Variants in RYR2 observed in about 807,000 individuals in gnomAD.
RYR2 encodes the protein ryanodine receptor 2, also known as cardiac muscle ryanodine receptor-calcium release channel.
A neutral mutation model predicts 601.1 loss-of-function variants in RYR2; 227 were observed. That is an observed-to-expected ratio of 0.38 (90% CI 0.34 to 0.42). The LOEUF (loss-of-function observed/expected upper bound fraction) is 0.42. Ranked by LOEUF, RYR2 falls within the 10% of genes least tolerant of loss-of-function variation. The probability of loss-of-function intolerance (pLI) is 1.00; values close to 1 mark genes in which losing one functional copy is unlikely to be tolerated. For missense variants in RYR2, 4,646 were observed against 6,156.5 expected (o/e 0.75, Z 8.21); for synonymous variants, 2,223 against 2,175.1 (o/e 1.02, Z -0.61).
intron 62 of RYR2, among the ~76,000 whole-genome samples, chr1:237,683,889 T>TA (rs1195381750): frequency 2.7e-5 from 4 of 150,864 alleles, no homozygotes; most frequent in African/African-American, 9.8e-5. Context: ...CTCAAATAGG[T>TA]GGTGCTGCCC....
At chr1:237,628,768 G>A (rs1679950017) in intron 41 of RYR2, among the ~76,000 whole-genome samples, 1 of 151,858 alleles carries the variant, frequency 6.6e-6, no homozygotes, top group South Asian at 2.1e-4. Context: ...TGATCCATAG[G>A]TCTGTGTGGT....
At chr1:237,590,112 C>T in intron 30 of RYR2, 111 bp downstream of exon 30, 1 of 986,762 alleles carries the variant, frequency 1.0e-6, no homozygotes, top group Non-Finnish European at 1.5e-6. Context: ...AAATGATGAC[C>T]TTGATGTGTT....
chr1:237,388,436 A>G (rs1702118443), intron 10 of RYR2, among the ~76,000 whole-genome samples: 1 of 152,240 alleles, frequency 6.6e-6, no homozygotes, highest in African/African-American at 2.4e-5. Flanking sequence ...GAACAAAATT[A>G]ACGAAGTGAG....
rs141046483 is a variant in RYR2 at position 237,061,740 on chromosome 1, G to A, written c.48+19171G>A. 1.4e-3 allele frequency among the ~76,000 whole-genome samples: 213 copies of A among 151,752 alleles called. 2 individuals carry two copies. Among genetic ancestry groups the A allele is most frequent in the African/African-American group, 4.9e-3 (202 of 41,416 alleles). On this transcript the variant is annotated intron_variant, in intron 1 of 104. Coordinates refer to ENST00000366574, the MANE Select transcript of RYR2 (RefSeq NM_001035.3). ...CTCTGTTACTGATGTTGTTAGTGTC[G>A]AAGAGCAGTTTTTCACTTTAATGAA... is the stretch of plus-strand genomic sequence containing the variant.
rs1357630835 is a variant in RYR2, at chr1:237,614,180, G to A, written c.5052G>A (p.Gln1684=). The A allele has an allele frequency of 6.2e-7, 1 of 1,614,036 alleles. No homozygotes were observed. Among genetic ancestry groups the A allele is most frequent in the Non-Finnish European group, 8.5e-7 (1 of 1,179,898 alleles). ...TGTGCAGCCATGTGGATGAACCTCA[G>A]CTCCTCTATGCCATTGAGAACAAGT... The part of the protein sequence containing the change: ...HALCSHVDEP[Q]LLYAIENKYM... The change falls in exon 37 of 105, where the codon CAG becomes CAA. Residue 1684 remains glutamine, a synonymous_variant. Coordinates refer to ENST00000366574, the MANE Select transcript of RYR2 (RefSeq NM_001035.3). The surrounding 1 kb of genome is among the most constrained non-coding windows in gnomAD (Gnocchi z 4.3).
intron 2 of RYR2, among the ~76,000 whole-genome samples, chr1:237,323,630 G>T (rs1207358111): frequency 3.3e-5 from 5 of 152,206 alleles, no homozygotes; most frequent in Non-Finnish European, 5.9e-5. Flanking sequence ...TGAACACCGA[G>T]CAAACCATAT....
chr1:237,194,707 T>G (rs940568558), intron 1 of RYR2, among the ~76,000 whole-genome samples: 11 of 152,186 alleles, frequency 7.2e-5, no homozygotes, highest in African/African-American at 2.2e-4. Context: ...AGTGTTCTTG[T>G]GGGAGAGAAA....
rs147282678 is a variant in RYR2, at chr1:237,467,609, G to A, written c.1613-1483G>A. On this transcript the variant is annotated intron_variant, in intron 16 of 104. Coordinates refer to ENST00000366574, the MANE Select transcript of RYR2 (RefSeq NM_001035.3). Reference sequence around the variant, plus strand: ...ATCTCTGTACAAATGTCACAGAGGCGCTATACACAAAAAAGCTCTTCTCAT... The same window carrying A: ...ATCTCTGTACAAATGTCACAGAGGCACTATACACAAAAAAGCTCTTCTCAT... Among the ~76,000 whole-genome samples the A allele has an allele frequency of 9.2e-5, 14 of 152,204 alleles. No individual in the cohort carries two copies. The East Asian group carries it at 1.9e-3, about 21-fold the overall frequency.
chr1:237,638,224 G>A (rs1681077452), intron 44 of RYR2, 133 bp from the exon 45 acceptor site: 1 of 1,074,920 alleles, frequency 9.3e-7, no homozygotes, highest in Non-Finnish European at 1.3e-6. Flanking sequence ...AGATTATCAT[G>A]AGAGCAAAAA....
chr1:237,800,868 TGA>T (rs1659877688), intron 97 of RYR2, among the ~76,000 whole-genome samples: 1 of 152,026 alleles, frequency 6.6e-6, no homozygotes, highest in Non-Finnish European at 1.5e-5. Flanking sequence ...CACAGACAAG[TGA>T]GAGAGGCATA....
intron 1 of RYR2, among the ~76,000 whole-genome samples, chr1:237,054,089 C>T (rs1452582342): frequency 6.6e-6 from 1 of 152,164 alleles, no homozygotes; most frequent in Non-Finnish European, 1.5e-5. Context: ...ATGACTTGTT[C>T]AAGGGCAATT....
At chr1:237,256,638 G>C (rs1475835526) in intron 1 of RYR2, among the ~76,000 whole-genome samples, 2 of 152,154 alleles carry the variant, frequency 1.3e-5, no homozygotes, top group Non-Finnish European at 2.9e-5. Context: ...CACTCTGCTG[G>C]CTTCTGAGCC....
chr1:237,136,529 C>T (rs1159165557), intron 1 of RYR2, among the ~76,000 whole-genome samples: 1 of 152,178 alleles, frequency 6.6e-6, no homozygotes, highest in Non-Finnish European at 1.5e-5. Context: ...CAGCAGGACT[C>T]AGACAGGCCT....
In RYR2 at chr1:237,640,946, A is replaced by C. The variant is rs746026638; in HGVS notation, c.7165A>C (p.Met2389Leu). ...DDTIHMGNAIMTFYSALIDLL... is the reference protein window; with the variant it reads ...DDTIHMGNAILTFYSALIDLL... ...CACTATCCACATGGGGAACGCGATCATGACCTTCTATTCAGCTTTGATTGA... is the reference window on the plus strand; with the variant it reads ...CACTATCCACATGGGGAACGCGATCCTGACCTTCTATTCAGCTTTGATTGA... The change falls in exon 47 of 105, where the codon ATG (methionine) becomes CTG (leucine). Residue 2389 changes from methionine (M) to leucine (L), a missense_variant. Transcript: ENST00000366574. 1 of 1,613,784 alleles carries C rather than the reference A, an allele frequency of 6.2e-7. No homozygotes were observed. The highest frequency in any genetic ancestry group is 1.3e-5 in the African/African-American group (1 of 75,066).
chr1:237,543,323 AAAAC>A (rs1224457023), intron 25 of RYR2, among the ~76,000 whole-genome samples: 18 of 152,310 alleles, frequency 1.2e-4, no homozygotes, highest in Non-Finnish European at 2.4e-4. Flanking sequence ...TTTTTATTTA[AAAAC>A]AAACAAAAGT....
In RYR2 at chr1:237,705,245, C is replaced by A; in HGVS notation, c.9482C>A (p.Ala3161Asp). The change falls in exon 67 of 105, where the codon GCC becomes GAC. Residue 3161 changes from alanine to aspartate, a missense_variant. Physicochemically the swap from Ala to Asp is moderately radical, Grantham distance 126. Transcript: ENST00000366574. ...TCTGCATTAGGAGAATGTCTAGCTG[C>A]CTTTGCTGGTGCTTTTCCTGTAGCA... ...QRSALGECLAAFAGAFPVAFL... is the reference protein window; with the variant it reads ...QRSALGECLADFAGAFPVAFL... The A allele has an allele frequency of 1.2e-6, 2 of 1,607,666 alleles. No individual in the cohort carries two copies. The highest frequency in any genetic ancestry group is 1.7e-6 in the Non-Finnish European group (2 of 1,176,360).
chr1:237,733,718 G>A lies in RYR2; in HGVS notation c.11053G>A (p.Asp3685Asn). 1 of 1,610,156 alleles carries A rather than the reference G, an allele frequency of 6.2e-7. No homozygotes were observed. Among genetic ancestry groups the A allele is most frequent in the Non-Finnish European group, 8.5e-7 (1 of 1,177,026 alleles). ...ALTEKCKLEEDFLYMAYADIM... is the reference protein window; with the variant it reads ...ALTEKCKLEENFLYMAYADIM... ...TGCTTTCCCCAGCAAACTGGAGGAAGATTTTTTATATATGGCCTATGCAGA... is the reference window on the plus strand; with the variant it reads ...TGCTTTCCCCAGCAAACTGGAGGAAAATTTTTTATATATGGCCTATGCAGA... Residue 3685 changes from aspartate (D) to asparagine (N), a missense_variant, in exon 79 of 105, where the codon GAT becomes AAT. This residue lies in a region of RYR2 where 1,497 missense variants were observed against 1,842.6 expected (regional missense o/e 0.81). Transcript: ENST00000366574.
At chr1:237,816,364 A>G (rs1397570512) in intron 100 of RYR2, among the ~76,000 whole-genome samples, 1 of 152,192 alleles carries the variant, frequency 6.6e-6, no homozygotes. Context: ...GTCACAATTA[A>G]ATACATATGA....
At chr1:237,178,184 G>T (rs1260833084) in intron 1 of RYR2, among the ~76,000 whole-genome samples, 1 of 152,112 alleles carries the variant, frequency 6.6e-6, no homozygotes, top group East Asian at 1.9e-4. Flanking sequence ...TTCTGGAAAT[G>T]CTTCTCATTT....
Sources: allele counts gnomAD v4.1 joint callset (sites outside exome capture counted in the v4.1 genomes callset), GRCh38; gene constraint gnomAD v4.1.1; regional missense constraint gnomAD v4.1.1; non-coding constraint Gnocchi (gnomAD v3.1); transcripts MANE v1.5; gene names NCBI Gene and HGNC (gene_info 2026-07-23, HGNC 2026-07-21).